The following CIZ1 variants were observed in gnomAD, a reference collection of about 807,000 sequenced individuals.
The protein encoded by CIZ1 is cip1-interacting zinc finger protein.
In CIZ1, 58 loss-of-function variants were observed where a neutral mutation model predicts 118.6. That is an observed-to-expected ratio of 0.49 (90% CI 0.40 to 0.61). CIZ1 has a LOEUF of 0.61. Among genes scored for constraint, CIZ1 ranks in the 20% least tolerant of loss-of-function variants. The pLI, the probability that CIZ1 is intolerant of heterozygous loss-of-function variation, is 0.00. For synonymous variants in CIZ1, 448 were observed against 443.4 expected, an observed-to-expected ratio of 1.01 and a Z score of -0.13; for missense variants, 921 against 1,115.9, an observed-to-expected ratio of 0.83 and a Z score of 2.49.
In CIZ1 at chr9:128,176,355, C is replaced by G. The variant is rs1453681558; in HGVS notation, c.1939G>C (p.Asp647His). The G allele has an allele frequency of 1.2e-6, 2 of 1,613,898 alleles. No homozygotes were observed. The highest frequency in any genetic ancestry group is 4.5e-5 in the East Asian group (2 of 44,874). ...PVPRDVLETEDEEPPPRRWCN... is the reference protein window; with the variant it reads ...PVPRDVLETEHEEPPPRRWCN... ...CTTCCACGATCCCCCACTCACTCAT[C>G]CTCTGTCTCCAGGACGTCCCGGGGC... is the stretch of plus-strand genomic sequence containing the variant. The change falls in exon 11 of 17, where the codon GAT becomes CAT. Residue 647 changes from aspartate (D) to histidine (H), a missense_variant. Transcript: ENST00000372938.
rs891696546 is a variant in CIZ1 at position 128,191,008 on chromosome 9, T to A, written c.-5-146A>T. 8 of 1,235,938 alleles carry A rather than the reference T, an allele frequency of 6.5e-6. No homozygotes were observed. The highest frequency in any genetic ancestry group is 7.6e-6 in the Non-Finnish European group (7 of 917,922). The allele number at this position is 1,235,938 out of a possible 1,614,324, so 76.6% of individuals were successfully genotyped here. On this transcript the variant is annotated intron_variant, in intron 1 of 16. Transcript: ENST00000372938. The surrounding 1 kb of genome is among the most constrained non-coding windows in gnomAD (Gnocchi z 5.5). ...TGCATTCCCAGTCCTGCCAAGAGCC[T>A]GCCACACTCGCTTGGCCCATCCTTC...
At chr9:128,194,068 A>T (rs910971165), upstream of CIZ1, among the ~76,000 whole-genome samples, 2 of 152,182 alleles carry the variant, frequency 1.3e-5, no homozygotes, top group African/African-American at 4.8e-5. Context: ...CAAATTTTAT[A>T]TCAAGAATCT....
upstream of CIZ1, among the ~76,000 whole-genome samples, chr9:128,193,570 C>T (rs1277411086): frequency 6.6e-6 from 1 of 152,044 alleles, no homozygotes; most frequent in Non-Finnish European, 1.5e-5. Context: ...AAAAATTAGC[C>T]GGATGTGGTG....
At position 128,203,650 on chromosome 9, in the gene CIZ1, C is replaced by T. The variant is rs1036489716; in HGVS notation, c.-6+536G>A. ...TAGGCAGGTAGGCGCGGCGCGCCCC[C>T]AGGCGCCGACCCCCGACCCCCGGGA... On this transcript the variant is annotated intron_variant, in intron 1 of 17. Coordinates refer to the CIZ1 transcript ENST00000372948. The surrounding 1 kb of genome is among the most constrained non-coding windows in gnomAD (Gnocchi z 5.3). 2.0e-6 allele frequency: 3 copies of T among 1,504,932 alleles called. No homozygotes were observed. In the African/African-American group the frequency reaches 4.3e-5, roughly 22 times the overall value. 93.2% of individuals were successfully genotyped at this position (1,504,932 alleles called of 1,614,324 possible). A position where few individuals can be genotyped will look rare whatever the true frequency, so the allele number is the denominator to read the frequency against.
chr9:128,179,435 A>G lies in CIZ1; in HGVS notation c.792-20T>C, dbSNP rs780169720. On this transcript the variant is annotated intron_variant, in intron 7 of 16. Coordinates refer to ENST00000372938, the MANE Select transcript of CIZ1 (RefSeq NM_001131016.2). ...TCTGAGCTAGGAAGGATCAAAAAAA[A>G]ATCCCAGTCATGTCTTCAAAGAGGC... The G allele has an allele frequency of 1.0e-4, 160 of 1,545,714 alleles. No homozygotes were observed. In the South Asian group the frequency reaches 2.0e-3, roughly 19 times the overall value.
At chr9:128,191,879 C>G, upstream of CIZ1, 1 of 1,453,588 alleles carries the variant, frequency 6.9e-7, no homozygotes, top group Non-Finnish European at 9.1e-7. This position sits in a 1 kb window ranked among gnomAD's most constrained non-coding sequence, Gnocchi z 5.5. Context: ...CGCGGTCCTG[C>G]GATCCTGGGG....
Position 128,174,030 on chromosome 9 carries a change from A to AAAC in CIZ1, c.1943+2320_1943+2321insGTT, listed in dbSNP as rs1554754837. Among the ~76,000 whole-genome samples the AAAC allele has an allele frequency of 2.1e-3, 319 of 149,644 alleles. 1 individual carries two copies. Among genetic ancestry groups the AAAC allele is most frequent in the African/African-American group, 7.5e-3 (303 of 40,634 alleles). On this transcript the variant is annotated intron_variant, in intron 11 of 16. Coordinates refer to ENST00000372938, the MANE Select transcript of CIZ1 (RefSeq NM_001131016.2). ...CAAAAACAAAACAAAAAAACAAAAA[A>AAAC]AAAAAACAAAGAAATAGCTAAGGTA...
upstream of CIZ1, among the ~76,000 whole-genome samples, chr9:128,195,378 T>C (rs1369403916): frequency 6.6e-6 from 1 of 152,146 alleles, no homozygotes; most frequent in South Asian, 2.1e-4. Flanking sequence ...AGTGCAGTGG[T>C]GTGATCTCAG....
chr9:128,203,386 G>T lies in CIZ1; in HGVS notation c.-6+800C>A. 1.6e-6 allele frequency: 2 copies of T among 1,277,992 alleles called. No individual in the cohort carries two copies. Among genetic ancestry groups the T allele is most frequent in the Middle Eastern group, 2.9e-4 (1 of 3,406 alleles). 79.2% of individuals were successfully genotyped at this position (1,277,992 alleles called of 1,614,324 possible). A position where few individuals can be genotyped will look rare whatever the true frequency, so the allele number is the denominator to read the frequency against. Reference sequence around the variant, plus strand: ...GGGCCCCGCGGCGCAGGCAGTCTGGGCGCGCGGCTGCAGCGGCGGAGCCGG... The same window carrying T: ...GGGCCCCGCGGCGCAGGCAGTCTGGTCGCGCGGCTGCAGCGGCGGAGCCGG... On this transcript the variant is annotated intron_variant, in intron 1 of 17. Coordinates refer to the CIZ1 transcript ENST00000372948. The surrounding 1 kb of genome is among the most constrained non-coding windows in gnomAD (Gnocchi z 5.3).
chr9:128,176,241 T>TG, intron 11 of CIZ1, 110 bp downstream of exon 11: 1 of 1,381,510 alleles, frequency 7.2e-7, no homozygotes. Flanking sequence ...GAGGCCTGGC[T>TG]GGGGGTGCAG....
Position 128,185,528 on chromosome 9 carries a change from A to AAAC in CIZ1, c.588+18_588+19insGTT. On this transcript the variant is annotated intron_variant, in intron 5 of 16. Coordinates refer to ENST00000372938, the MANE Select transcript of CIZ1 (RefSeq NM_001131016.2). ...CCAGGGTCCCCTCCCGCCCACTCCC[A>AAAC]TCCCCACCTACCACTCACCTTTCGA... The AAAC allele has an allele frequency of 8.2e-7, 1 of 1,219,724 alleles. No homozygotes were observed. The highest frequency in any genetic ancestry group is 1.1e-6 in the Non-Finnish European group (1 of 884,648). The allele number at this position is 1,219,724 out of a possible 1,614,324, so 75.6% of individuals were successfully genotyped here.
At chr9:128,184,260 A>G (rs1217178157) in intron 5 of CIZ1, among the ~76,000 whole-genome samples, 1 of 152,224 alleles carries the variant, frequency 6.6e-6, no homozygotes. Flanking sequence ...AGAGGTCAGT[A>G]TCAGATACAC....
Position 128,178,757 on chromosome 9 carries a change from G to A in CIZ1, c.1450C>T (p.His484Tyr), listed in dbSNP as rs868730338. 1 of 1,614,234 alleles carries A rather than the reference G, an allele frequency of 6.2e-7. No individual in the cohort carries two copies. Among genetic ancestry groups the A allele is most frequent in the Non-Finnish European group, 8.5e-7 (1 of 1,180,036 alleles). ...LAPEQTPVVV[H>Y]VCGLEMPPDA... ...GGTGGCATCTCCAGCCCGCAGACAT[G>A]AACCACAACTGGTGTTTGCTCTGGA... is the stretch of plus-strand genomic sequence containing the variant. The change falls in exon 8 of 17, where the codon CAT becomes TAT. Residue 484 changes from histidine to tyrosine, a missense_variant. His to Tyr is a moderately conservative substitution (Grantham distance 83, BLOSUM62 2). Coordinates refer to ENST00000372938, the MANE Select transcript of CIZ1 (RefSeq NM_001131016.2).
At chr9:128,173,832 CT>C (rs1830487394) in intron 11 of CIZ1, among the ~76,000 whole-genome samples, 1 of 151,962 alleles carries the variant, frequency 6.6e-6, no homozygotes, top group Non-Finnish European at 1.5e-5. Context: ...CAGAGAAACC[CT>C]GTCTCTACTA....
upstream of CIZ1, chr9:128,191,791 CGCCCGGAAGGGTCAGCCAT>C (rs1457598426): frequency 3.5e-6 from 5 of 1,433,356 alleles, no homozygotes; most frequent in African/African-American, 1.5e-5. The surrounding 1 kb of genome is among the most constrained non-coding windows in gnomAD (Gnocchi z 5.5). Context: ...GTCCGTCTGC[CGCCCGGAAGGGTCAGCCAT>C]CCCGCGGGGC....
At chr9:128,169,786 CCT>C in intron 12 of CIZ1, 7 of 1,371,172 alleles carry the variant, frequency 5.1e-6, no homozygotes, top group African/African-American at 1.4e-5. Context: ...CCAAATAACC[CCT>C]GTGAGCCCCG....
At chr9:128,194,559 A>G (rs982934378), upstream of CIZ1, among the ~76,000 whole-genome samples, 3 of 151,368 alleles carry the variant, frequency 2.0e-5, no homozygotes, top group Non-Finnish European at 4.4e-5. Flanking sequence ...GCTCACGCCT[A>G]CAATCCCAGC....
intron 11 of CIZ1, among the ~76,000 whole-genome samples, chr9:128,174,259 GCCA>G: frequency 6.6e-6 from 1 of 152,268 alleles, no homozygotes; most frequent in South Asian, 2.1e-4. Context: ...CTTATCCCTG[GCCA>G]GGGGATTGCT....
At chr9:128,202,438 C>T (rs1777334997) in intron 1 of CIZ1, among the ~76,000 whole-genome samples, 1 of 152,184 alleles carries the variant, frequency 6.6e-6, no homozygotes, top group Non-Finnish European at 1.5e-5. Context: ...TGTTTTACCA[C>T]CATCCTGATG....
Sources: gnomAD v4.1 joint callset for allele counts (sites outside exome capture counted in the v4.1 genomes callset) on GRCh38, gnomAD v4.1.1 for gene constraint, Gnocchi (gnomAD v3.1) non-coding constraint, MANE v1.5 for transcripts, NCBI Gene and HGNC (gene_info 2026-07-23, HGNC 2026-07-21) for gene names.